The following FREM3 variants were observed in gnomAD, a reference collection of about 807,000 sequenced individuals.
FREM3 encodes FRAS1-related extracellular matrix protein 3.
FREM3 carries 105 observed loss-of-function variants against 129.1 expected under a neutral mutation model. The observed-to-expected ratio is 0.81, with a 90% confidence interval of 0.69 to 0.96. The LOEUF is 0.96. Ranked by LOEUF, FREM3 falls within the 40% of genes least tolerant of loss-of-function variation. The pLI is 0.00. For synonymous variants in FREM3, 1,014 were observed against 1,044.9 expected, an observed-to-expected ratio of 0.97 and a Z score of 0.57; for missense variants, 2,593 against 2,666.3, an observed-to-expected ratio of 0.97 and a Z score of 0.61.
At chr4:143,589,622 C>T (rs1738317457) in intron 6 of FREM3, among the ~76,000 whole-genome samples, 1 of 152,174 alleles carries the variant, frequency 6.6e-6, no homozygotes. Flanking sequence ...GTACCACTAC[C>T]ATGCTGTTTT....
In FREM3 at chr4:143,696,011, G is replaced by C; in HGVS notation, c.4665C>G (p.Ile1555Met). ...LTLQKEDSQL[I>M]TLLELTVEDS... ...CTTCCACTGTCAACTCAAGGAGAGT[G>C]ATCAGTTGGCTATCCTCTTTCTGTA... Residue 1555 changes from isoleucine to methionine, a missense_variant, in exon 1 of 8, where the codon ATC becomes ATG. By Grantham distance (10) the Ile-to-Met change is conservative. Around this residue, in one of 2 missense-constraint regions of FREM3, gnomAD observed 2,276 missense variants for 2,267.2 expected, o/e 1.00. Transcript: ENST00000329798. 2 of 1,537,858 alleles carry C rather than the reference G, an allele frequency of 1.3e-6. No individual in the cohort carries two copies. The highest frequency in any genetic ancestry group is 8.7e-7 in the Non-Finnish European group (1 of 1,147,040).
chr4:143,653,485 T>G (rs1739547141), intron 2 of FREM3, among the ~76,000 whole-genome samples: 1 of 152,144 alleles, frequency 6.6e-6, no homozygotes, highest in South Asian at 2.1e-4. Context: ...TCAATGGAGA[T>G]TCTCTCTAGT....
At chr4:143,674,630 C>G (rs1329353801) in intron 2 of FREM3, among the ~76,000 whole-genome samples, 1 of 152,192 alleles carries the variant, frequency 6.6e-6, no homozygotes, top group East Asian at 1.9e-4. Context: ...CATCAGTGTG[C>G]TGTTTTCAGC....
intron 5 of FREM3, among the ~76,000 whole-genome samples, chr4:143,617,267 C>T (rs1488369072): frequency 6.6e-6 from 1 of 151,908 alleles, no homozygotes; most frequent in Non-Finnish European, 1.5e-5. Context: ...TGTCTGGTGA[C>T]ATTTTTGGGG....
chr4:143,677,286 A>G (rs1479368504), intron 2 of FREM3, among the ~76,000 whole-genome samples: 1 of 152,240 alleles, frequency 6.6e-6, no homozygotes, highest in Non-Finnish European at 1.5e-5. Context: ...AAAACAGGAA[A>G]TGGGGAAAGG....
intron 6 of FREM3, among the ~76,000 whole-genome samples, chr4:143,610,048 C>T (rs1738728891): frequency 6.6e-6 from 1 of 152,040 alleles, no homozygotes; most frequent in South Asian, 2.1e-4. Context: ...TGTTTTAATT[C>T]CAATGAAGAA....
chr4:143,612,931 G>A (rs1445062933), intron 5 of FREM3, among the ~76,000 whole-genome samples: 6 of 152,192 alleles, frequency 3.9e-5, no homozygotes, highest in African/African-American at 1.4e-4. Flanking sequence ...TCTTGTAAGA[G>A]TCTTTCTTGC....
chr4:143,594,726 G>A (rs920711911), intron 6 of FREM3, among the ~76,000 whole-genome samples: 1 of 152,204 alleles, frequency 6.6e-6, no homozygotes, highest in Non-Finnish European at 1.5e-5. Flanking sequence ...TATAAGACAT[G>A]AGAGGAGGGT....
At chr4:143,667,427 A>T (rs941868830) in intron 2 of FREM3, among the ~76,000 whole-genome samples, 2 of 151,338 alleles carry the variant, frequency 1.3e-5, no homozygotes, top group South Asian at 2.1e-4. Context: ...AAACTACTTT[A>T]AAAAAAAAGG....
intron 2 of FREM3, among the ~76,000 whole-genome samples, chr4:143,688,611 C>G (rs1278098681): frequency 6.6e-6 from 1 of 152,140 alleles, no homozygotes; most frequent in Non-Finnish European, 1.5e-5. Context: ...ATCACATTAC[C>G]TGATTTCAAA....
Position 143,698,967 on chromosome 4 carries a change from G to T in FREM3, c.1709C>A (p.Thr570Asn). ...GGTTGAGTCCTCAGAGTCAATATCA[G>T]TAGCACTCAGTACAAAGGGAGAGAT... ...VQISPFVLSA[T>N]DIDSEDSTIH... The change falls in exon 1 of 8, where the codon ACT becomes AAT. Residue 570 changes from threonine (T) to asparagine (N), a missense_variant. Physicochemically the swap from Thr to Asn is moderately conservative, Grantham distance 65 (BLOSUM62 0). This residue lies in a region of FREM3 where 2,276 missense variants were observed against 2,267.2 expected (regional missense o/e 1.00). Transcript: ENST00000329798. 1 of 1,537,260 alleles carries T rather than the reference G, an allele frequency of 6.5e-7. No homozygotes were observed. The highest frequency in any genetic ancestry group is 2.4e-5 in the East Asian group (1 of 40,916).
intron 2 of FREM3, among the ~76,000 whole-genome samples, chr4:143,654,189 G>A (rs1050973490): frequency 3.3e-5 from 5 of 152,110 alleles, no homozygotes; most frequent in East Asian, 3.9e-4. Context: ...TGCAACATGC[G>A]CCTGCTGGGT....
intron 2 of FREM3, among the ~76,000 whole-genome samples, chr4:143,685,884 G>A (rs1253748707): frequency 1.3e-5 from 2 of 152,072 alleles, no homozygotes; most frequent in African/African-American, 4.8e-5. Context: ...CCTGGAGGAG[G>A]GATGGCATTA....
intron 2 of FREM3, among the ~76,000 whole-genome samples, chr4:143,632,267 A>G (rs1480957178): frequency 1.3e-5 from 2 of 152,100 alleles, no homozygotes; most frequent in Non-Finnish European, 2.9e-5. Context: ...ATAATGTATA[A>G]TATAGTTGAT....
intron 2 of FREM3, chr4:143,649,341 A>T (rs1015658107): frequency 2.0e-5 from 3 of 152,224 alleles, no homozygotes; most frequent in African/African-American, 7.2e-5. Context: ...CACCTTGTGC[A>T]TCAGACAATA....
At position 143,589,686 on chromosome 4, in the gene FREM3, C is replaced by G. The variant is rs192285221; in HGVS notation, c.6029-3693G>C. 7.2e-5 allele frequency among the ~76,000 whole-genome samples: 11 copies of G among 152,254 alleles called. No homozygotes were observed. The East Asian group carries it at 2.1e-3, about 29-fold the overall frequency. On this transcript the variant is annotated intron_variant, in intron 6 of 7. Transcript: ENST00000329798. ...AAGTCAGGTAGCGTGATGCCTGCAG[C>G]TTTGTTCTTTTGGCTTAGGATTGAC...
At chr4:143,603,802 C>T (rs972009154) in intron 6 of FREM3, among the ~76,000 whole-genome samples, 1 of 152,096 alleles carries the variant, frequency 6.6e-6, no homozygotes, top group Non-Finnish European at 1.5e-5. Context: ...CTAACTCATG[C>T]CGAGCAGCCA....
intron 6 of FREM3, among the ~76,000 whole-genome samples, chr4:143,591,622 TG>T (rs1252253840): frequency 6.6e-6 from 1 of 152,178 alleles, no homozygotes; most frequent in Non-Finnish European, 1.5e-5. Flanking sequence ...TTATAATTTC[TG>T]TTCTTTTACA....
chr4:143,617,529 T>A (rs1199561143), intron 5 of FREM3, among the ~76,000 whole-genome samples: 1 of 152,234 alleles, frequency 6.6e-6, no homozygotes, highest in Non-Finnish European at 1.5e-5. Context: ...CAAACCTTTG[T>A]AATGCATCTT....
Sources: allele counts gnomAD v4.1 joint callset (sites outside exome capture counted in the v4.1 genomes callset), GRCh38; gene constraint gnomAD v4.1.1; regional missense constraint gnomAD v4.1.1; transcripts MANE v1.5; gene names NCBI Gene and HGNC (gene_info 2026-07-23, HGNC 2026-07-21).